Variants in ZNF385D observed in about 807,000 individuals in gnomAD.
ZNF385D encodes zinc finger protein 659.
In ZNF385D, 15 loss-of-function variants were observed where a neutral mutation model predicts 35.8. That is an observed-to-expected ratio of 0.42 (90% CI 0.28 to 0.64). The LOEUF is 0.64. Ranked by LOEUF, ZNF385D falls within the 30% of genes least tolerant of loss-of-function variation. The probability of loss-of-function intolerance (pLI) is 0.23; values close to 1 mark genes in which losing one functional copy is unlikely to be tolerated. For synonymous variants in ZNF385D, 212 were observed against 186.8 expected (o/e 1.13, Z -1.10); for missense variants, 474 against 494.6 (o/e 0.96, Z 0.39).
intron 2 of ZNF385D, among the ~76,000 whole-genome samples, chr3:22,264,833 C>T (rs1576585828): frequency 6.7e-6 from 1 of 149,632 alleles, no homozygotes; most frequent in Non-Finnish European, 1.5e-5. Context: ...CAAAAATGAA[C>T]ATTTAGATAT....
At chr3:21,937,513 A>T (rs1701318994) in intron 3 of ZNF385D, among the ~76,000 whole-genome samples, 1 of 152,186 alleles carries the variant, frequency 6.6e-6, no homozygotes, top group African/African-American at 2.4e-5. Flanking sequence ...ACTTTAAAAA[A>T]GATGTTTTGT....
chr3:22,261,099 C>G (rs961850923), intron 2 of ZNF385D, among the ~76,000 whole-genome samples: 3 of 64,370 alleles, frequency 4.7e-5, no homozygotes, highest in Non-Finnish European at 1.1e-4. Flanking sequence ...ATCTATCCAT[C>G]CATCCATCCA....
intron 3 of ZNF385D, among the ~76,000 whole-genome samples, chr3:22,146,337 C>T (rs991494151): frequency 1.3e-5 from 2 of 152,136 alleles, no homozygotes; most frequent in Non-Finnish European, 2.9e-5. Context: ...AAGCATTCCA[C>T]AGGTATTTCC....
chr3:22,084,523 G>C (rs890960877), intron 3 of ZNF385D, among the ~76,000 whole-genome samples: 1 of 152,132 alleles, frequency 6.6e-6, no homozygotes, highest in Non-Finnish European at 1.5e-5. Context: ...AACAAGAAGA[G>C]CTAACTATCC....
intron 3 of ZNF385D, among the ~76,000 whole-genome samples, chr3:21,799,180 C>T (rs1427072520): frequency 6.6e-6 from 1 of 152,180 alleles, no homozygotes; most frequent in Non-Finnish European, 1.5e-5. Flanking sequence ...GGATGCACCA[C>T]CATTTATTTA....
chr3:21,856,123 T>G (rs1341775526), intron 3 of ZNF385D, among the ~76,000 whole-genome samples: 1 of 141,122 alleles, frequency 7.1e-6, no homozygotes. Context: ...GAGGAGAAAT[T>G]TTTTTCTTGC....
intron 3 of ZNF385D, among the ~76,000 whole-genome samples, chr3:22,118,649 G>A (rs1702931580): frequency 6.6e-6 from 1 of 151,958 alleles, no homozygotes; most frequent in Non-Finnish European, 1.5e-5. Context: ...TCATGTTGGT[G>A]TGGAAGAACA....
intron 3 of ZNF385D, among the ~76,000 whole-genome samples, chr3:21,550,123 A>G (rs1399033697): frequency 6.6e-6 from 1 of 152,180 alleles, no homozygotes; most frequent in Admixed American, 6.5e-5. Flanking sequence ...CTTTTCCTTT[A>G]TAAAATTCAA....
chr3:21,667,457 C>T (rs562693864), intron 1 of ZNF385D, among the ~76,000 whole-genome samples: 4 of 152,272 alleles, frequency 2.6e-5, no homozygotes, highest in South Asian at 4.1e-4. Context: ...CCACCATGCC[C>T]GGCCCTAAAT....
intron 1 of ZNF385D, among the ~76,000 whole-genome samples, chr3:21,669,836 C>T (rs1235623968): frequency 6.6e-6 from 1 of 152,152 alleles, no homozygotes; most frequent in Admixed American, 6.5e-5. Flanking sequence ...CTTATCTTGA[C>T]TGCCTCAGAA....
intron 2 of ZNF385D, among the ~76,000 whole-genome samples, chr3:21,614,476 C>A (rs1057350362): frequency 3.3e-5 from 5 of 152,152 alleles, no homozygotes; most frequent in Admixed American, 3.3e-4. Context: ...CCTAACAGTC[C>A]CCTAGGGGTT....
chr3:22,251,088 G>C (rs1264394200), intron 2 of ZNF385D, among the ~76,000 whole-genome samples: 2 of 152,034 alleles, frequency 1.3e-5, no homozygotes, highest in Non-Finnish European at 2.9e-5. Context: ...TGAGCCACTT[G>C]CAATTTCAGT....
At chr3:21,882,341 C>G (rs1312999535) in intron 3 of ZNF385D, among the ~76,000 whole-genome samples, 6 of 151,946 alleles carry the variant, frequency 3.9e-5, no homozygotes, top group African/African-American at 1.4e-4. Context: ...GACCTTCCAC[C>G]AACGAAAAGA....
At chr3:21,861,861 T>A (rs530055020) in intron 3 of ZNF385D, among the ~76,000 whole-genome samples, 1 of 152,168 alleles carries the variant, frequency 6.6e-6, no homozygotes, top group East Asian at 1.9e-4. Context: ...CCTTGAGACT[T>A]TGACACACAC....
At chr3:21,721,612 T>A (rs1223168778) in intron 1 of ZNF385D, among the ~76,000 whole-genome samples, 1 of 152,222 alleles carries the variant, frequency 6.6e-6, no homozygotes, top group Non-Finnish European at 1.5e-5. Flanking sequence ...TATTTTCGAT[T>A]CTTAAATCCC....
At chr3:21,796,323 A>G (rs116782904) in intron 3 of ZNF385D, among the ~76,000 whole-genome samples, 1,613 of 152,270 alleles carry the variant, frequency 0.011, 16 homozygotes, top group Non-Finnish European at 0.017. Flanking sequence ...CTAAAACCCA[A>G]CAAGAACACC....
At chr3:21,762,703 C>CA (rs769751223) in intron 3 of ZNF385D, among the ~76,000 whole-genome samples, 2 of 152,158 alleles carry the variant, frequency 1.3e-5, no homozygotes, top group Non-Finnish European at 2.9e-5. Flanking sequence ...TATAGACAGA[C>CA]AGCCTTTCAC....
intron 3 of ZNF385D, among the ~76,000 whole-genome samples, chr3:22,085,996 T>A (rs1368504993): frequency 6.6e-6 from 1 of 152,180 alleles, no homozygotes; most frequent in African/African-American, 2.4e-5. Flanking sequence ...TCGACAAAAT[T>A]CAACAACACT....
At chr3:21,958,138 G>C (rs1024258937) in intron 3 of ZNF385D, among the ~76,000 whole-genome samples, 2 of 152,024 alleles carry the variant, frequency 1.3e-5, no homozygotes, top group Non-Finnish European at 2.9e-5. Context: ...CTCCTTATTT[G>C]TTTTCAAATT....
Sources: allele counts gnomAD v4.1 joint callset (sites outside exome capture counted in the v4.1 genomes callset), GRCh38; gene constraint gnomAD v4.1.1; transcripts MANE v1.5; gene names NCBI Gene and HGNC (gene_info 2026-07-23, HGNC 2026-07-21).